The following RBMX variants were observed in gnomAD, a reference collection of about 807,000 sequenced individuals.
RBMX encodes the protein RNA-binding motif protein, X chromosome.
RBMX carries 1 observed loss-of-function variant against 29.3 expected under a neutral mutation model. That is an observed-to-expected ratio of 0.03 (90% confidence interval 0.01 to 0.16). The LOEUF is 0.16. Among genes scored for constraint, RBMX ranks in the 10% least tolerant of loss-of-function variants. The probability of loss-of-function intolerance (pLI) is 1.00; values close to 1 mark genes in which losing one functional copy is unlikely to be tolerated. For missense variants in RBMX, 121 were observed against 333.2 expected (o/e 0.36, Z 4.96); for synonymous variants, 102 against 102.3 (o/e 1.00, Z 0.02).
At chrX:136,877,452 C>CTTT (rs551259279) in intron 4 of RBMX, among the ~76,000 whole-genome samples, 15 of 85,855 alleles carry the variant, frequency 1.7e-4, no homozygotes, top group Admixed American at 5.6e-4. Context: ...TCTTAAAAAA[C>CTTT]TTTTTTTTTT....
intron 3 of RBMX, among the ~76,000 whole-genome samples, chrX:136,878,370 CTTG>C (rs2077757308): frequency 1.8e-5 from 2 of 111,276 alleles, no homozygotes; most frequent in Admixed American, 1.9e-4. Flanking sequence ...TAGGTATCAG[CTTG>C]TTATCAAAAC....
At chrX:136,869,393 A>G (rs772192698), downstream of RBMX, 1 of 112,273 alleles carries the variant, frequency 8.9e-6, no homozygotes, top group Non-Finnish European at 1.9e-5. Flanking sequence ...GTAAACTATC[A>G]AACAGGTATC....
downstream of RBMX, chrX:136,872,549 T>C (rs2077691635): frequency 4.7e-6 from 2 of 426,865 alleles, no homozygotes; most frequent in Non-Finnish European, 4.1e-6. Context: ...TTAAGTTGCA[T>C]GGCTTATGGA....
Position 136,873,993 on chromosome X carries a change from A to T in RBMX, c.*149T>A. The T allele has an allele frequency of 1.8e-6, 2 of 1,094,889 alleles. No individual in the cohort carries two copies. The highest frequency in any genetic ancestry group is 3.8e-5 in the Admixed American group (1 of 26,087). 90.2% of individuals were successfully genotyped at this position (1,094,889 alleles called of 1,213,427 possible). On this transcript the variant is annotated 3_prime_UTR_variant, in exon 9 of 9. Transcript: ENST00000320676. Reference sequence around the variant, plus strand: ...CATGTTTTACTTTTTTCCTCACAAGAACATAAAAATTATGGAGGGGAACTT... The same window carrying T: ...CATGTTTTACTTTTTTCCTCACAAGTACATAAAAATTATGGAGGGGAACTT...
intron 8 of RBMX, 95 bp downstream of exon 8, chrX:136,874,990 TC>T: frequency 8.9e-6 from 10 of 1,121,761 alleles, no homozygotes; most frequent in Non-Finnish European, 1.2e-5. Context: ...CAAGCAAACA[TC>T]CCTTTAAAAG....
At chrX:136,870,078 C>A (rs2077675979), downstream of RBMX, 1 of 112,559 alleles carries the variant, frequency 8.9e-6, no homozygotes, top group South Asian at 3.6e-4. Flanking sequence ...TTTTATAATT[C>A]AACTTAAGTT....
chrX:136,871,839 C>T (rs1369644493), downstream of RBMX, among the ~76,000 whole-genome samples: 2 of 84,746 alleles, frequency 2.4e-5, no homozygotes, highest in African/African-American at 4.2e-5. Flanking sequence ...TTTTCTAGTA[C>T]AGATGAGGTT....
chrX:136,871,208 A>C (rs1261087823), downstream of RBMX, among the ~76,000 whole-genome samples: 2 of 109,068 alleles, frequency 1.8e-5, no homozygotes, highest in Non-Finnish European at 3.8e-5. Flanking sequence ...GCACTTTGGG[A>C]GGCGAGGCAG....
chrX:136,878,902 G>A (rs997963438), intron 3 of RBMX, 115 bp downstream of exon 3: 4 of 922,377 alleles, frequency 4.3e-6, no homozygotes, highest in Admixed American at 3.0e-5. Context: ...ATCCCAGACA[G>A]GTATATACTG....
chrX:136,880,449 C>G (rs1165668603), intron 1 of RBMX, 148 bp downstream of exon 1: 2 of 112,066 alleles, frequency 1.8e-5, no homozygotes, highest in African/African-American at 6.5e-5. Flanking sequence ...TTTGTTTTCC[C>G]TCGACCCCCT....
chrX:136,872,598 CCATAAGTT>C, downstream of RBMX: 1 of 350,563 alleles, frequency 2.9e-6, no homozygotes, highest in Non-Finnish European at 5.0e-6. Context: ...CACGTTAAAT[CCATAAGTT>C]GAACGAACAA....
intron 3 of RBMX, 70 bp from the exon 4 acceptor site, chrX:136,878,156 A>G: frequency 1.1e-6 from 1 of 918,520 alleles, no homozygotes; most frequent in Non-Finnish European, 1.5e-6. Flanking sequence ...ATGCACTAAG[A>G]CACTAACTGG....
At chrX:136,873,126 AG>A (rs2077694995), downstream of RBMX, 1 of 110,664 alleles carries the variant, frequency 9.0e-6, no homozygotes, top group Non-Finnish European at 1.9e-5. Flanking sequence ...TTTTTCCAAA[AG>A]TTTTTTTTAA....
rs747655683 is a variant in RBMX at position 136,873,526 on chromosome X, T to C, written c.*616A>G. On this transcript the variant is annotated 3_prime_UTR_variant, in exon 9 of 9. Coordinates refer to ENST00000320676, the MANE Select transcript of RBMX (RefSeq NM_002139.4). ...TTTAACACACACTTAAATGGTCTTATTGGGGGAAGGGAAAGGGGAGGTTCT... is the reference window on the plus strand; with the variant it reads ...TTTAACACACACTTAAATGGTCTTACTGGGGGAAGGGAAAGGGGAGGTTCT... The C allele has an allele frequency of 1.3e-4, 101 of 750,937 alleles. No homozygotes were observed. The highest frequency in any genetic ancestry group is 1.3e-3 in the African/African-American group (57 of 43,319). The allele number at this position is 750,937 out of a possible 1,213,427, so 61.9% of individuals were successfully genotyped here. A position where few individuals can be genotyped will look rare whatever the true frequency, so the allele number is the denominator to read the frequency against.
In RBMX at chrX:136,877,897, G is replaced by A; in HGVS notation, c.388+18C>T. ...CCCTAACTTATACACCAAACCCGAGGTCCACGCAAGTTATTACCCATGTGT... is the reference window on the plus strand; with the variant it reads ...CCCTAACTTATACACCAAACCCGAGATCCACGCAAGTTATTACCCATGTGT... On this transcript the variant is annotated intron_variant, in intron 4 of 8. Coordinates refer to ENST00000320676, the MANE Select transcript of RBMX (RefSeq NM_002139.4). The A allele has an allele frequency of 8.6e-7, 1 of 1,160,618 alleles. No homozygotes were observed. The highest frequency in any genetic ancestry group is 1.2e-6 in the Non-Finnish European group (1 of 866,717).
At chrX:136,880,522 C>G (rs950678950) in intron 1 of RBMX, 75 bp downstream of exon 1, 2 of 112,032 alleles carry the variant, frequency 1.8e-5, no homozygotes, top group Non-Finnish European at 3.8e-5. Flanking sequence ...ACCCCCATCT[C>G]CAGGGAGATA....
intron 1 of RBMX, 135 bp from the exon 2 acceptor site, chrX:136,879,588 A>C: frequency 1.8e-6 from 1 of 548,361 alleles, no homozygotes; most frequent in South Asian, 3.3e-5. Context: ...ATAACGAGCT[A>C]AGCCTCAGCC....
chrX:136,872,372 A>G (rs755290671), downstream of RBMX: 1 of 1,143,651 alleles, frequency 8.7e-7, no homozygotes. Flanking sequence ...AATGAAAACT[A>G]GTTATCTCTC....
At chrX:136,871,541 G>A (rs764199999), downstream of RBMX, among the ~76,000 whole-genome samples, 3 of 111,414 alleles carry the variant, frequency 2.7e-5, no homozygotes, top group South Asian at 7.4e-4. Context: ...TGCAGCCACA[G>A]TTGCATCATT....
Sources: gnomAD v4.1 joint callset for allele counts (sites outside exome capture counted in the v4.1 genomes callset) on GRCh38, gnomAD v4.1.1 for gene constraint, MANE v1.5 for transcripts, NCBI Gene and HGNC (gene_info 2026-07-23, HGNC 2026-07-21) for gene names.